Variants in AGBL4 observed in about 807,000 individuals in gnomAD.
AGBL4 encodes the protein cytosolic carboxypeptidase 6.
In AGBL4, 58 loss-of-function variants were observed where a neutral mutation model predicts 66.4. The observed-to-expected ratio is 0.87, with a 90% CI of 0.71 to 1.09. The LOEUF is 1.09. Among genes scored for constraint, AGBL4 ranks in the 50% least tolerant of loss-of-function variants. AGBL4 has a pLI of 0.00. For missense variants in AGBL4, 579 were observed against 631.0 expected (o/e 0.92, Z 0.88); for synonymous variants, 234 against 222.9 (o/e 1.05, Z -0.44).
At chr1:48,939,970 C>T (rs1314266240) in intron 5 of AGBL4, among the ~76,000 whole-genome samples, 4 of 152,190 alleles carry the variant, frequency 2.6e-5, no homozygotes, top group Non-Finnish European at 4.4e-5. Context: ...TCCTACAATG[C>T]ACAGGACAGA....
At chr1:49,427,570 CTTCAGATG>C (rs1645691105) in intron 3 of AGBL4, among the ~76,000 whole-genome samples, 1 of 151,984 alleles carries the variant, frequency 6.6e-6, no homozygotes, top group African/African-American at 2.4e-5. Flanking sequence ...GAGTTTGTTC[CTTCAGATG>C]TTCAGATGTG....
At chr1:49,129,396 C>A (rs1003861446) in intron 4 of AGBL4, among the ~76,000 whole-genome samples, 1 of 151,530 alleles carries the variant, frequency 6.6e-6, no homozygotes, top group Non-Finnish European at 1.5e-5. Context: ...ATGTGCCATG[C>A]TGGTGTGCTG....
intron 5 of AGBL4, among the ~76,000 whole-genome samples, chr1:48,962,911 G>A (rs547369563): frequency 1.3e-4 from 19 of 151,836 alleles, no homozygotes; most frequent in African/African-American, 4.4e-4. Flanking sequence ...ATAACAATAT[G>A]TACCTTATGA....
At chr1:49,289,278 G>C (rs1313296750) in intron 3 of AGBL4, among the ~76,000 whole-genome samples, 2 of 151,986 alleles carry the variant, frequency 1.3e-5, no homozygotes, top group African/African-American at 2.4e-5. Context: ...AAGAAGAAAG[G>C]AATAGTGAAA....
At chr1:49,203,716 A>G (rs907166236) in intron 4 of AGBL4, among the ~76,000 whole-genome samples, 1 of 152,186 alleles carries the variant, frequency 6.6e-6, no homozygotes, top group African/African-American at 2.4e-5. Flanking sequence ...AGTTAGGAGA[A>G]TCACTTGAAC....
chr1:48,880,958 A>G (rs1649725141), intron 5 of AGBL4, among the ~76,000 whole-genome samples: 1 of 152,158 alleles, frequency 6.6e-6, no homozygotes, highest in Non-Finnish European at 1.5e-5. Context: ...CCTTTTATGG[A>G]AAGAGCATAG....
At chr1:49,732,456 A>G (rs928355875) in intron 2 of AGBL4, among the ~76,000 whole-genome samples, 2 of 152,238 alleles carry the variant, frequency 1.3e-5, no homozygotes, top group South Asian at 2.1e-4. Context: ...AATAAAATCT[A>G]TGAGTGTCTC....
At position 49,351,874 on chromosome 1, in the gene AGBL4, T is replaced by C. The variant is rs535050041; in HGVS notation, c.283-106010A>G. ...AGATATTTATACCAGATGGCCACTA[T>C]GGTACATTTCATATCTGATATTCTA... On this transcript the variant is annotated intron_variant, in intron 3 of 13. Transcript: ENST00000371839. Among the ~76,000 whole-genome samples, 12 of 152,374 alleles carry C rather than the reference T, an allele frequency of 7.9e-5. No homozygotes were observed. In the South Asian group the frequency reaches 2.5e-3, roughly 32 times the overall value.
At chr1:48,942,318 G>T (rs1397755967) in intron 5 of AGBL4, among the ~76,000 whole-genome samples, 3 of 152,056 alleles carry the variant, frequency 2.0e-5, no homozygotes, top group African/African-American at 2.4e-5. Context: ...GGTGGGGGGG[G>T]GGGGTTGTGG....
At chr1:48,730,676 G>A (rs1647967899) in intron 6 of AGBL4, among the ~76,000 whole-genome samples, 1 of 152,110 alleles carries the variant, frequency 6.6e-6, no homozygotes, top group Non-Finnish European at 1.5e-5. Context: ...AAGCTTCTCA[G>A]GTTGATTAAA....
chr1:49,912,111 A>T lies in AGBL4; in HGVS notation c.35-60593T>A, dbSNP rs547439869. Among the ~76,000 whole-genome samples, 5 of 152,326 alleles carry T rather than the reference A, an allele frequency of 3.3e-5. 1 individual carries two copies. The East Asian group carries it at 9.7e-4, about 29-fold the overall frequency. Reference sequence around the variant, plus strand: ...ACACATGTATCTGTATGGACTAAAGAGATGGGCTCCCCAGCCTCTGTCCCA... The same window carrying T: ...ACACATGTATCTGTATGGACTAAAGTGATGGGCTCCCCAGCCTCTGTCCCA... On this transcript the variant is annotated intron_variant, in intron 1 of 13. Coordinates refer to ENST00000371839, the MANE Select transcript of AGBL4 (RefSeq NM_032785.4).
At chr1:49,284,444 C>G (rs1358110079) in intron 3 of AGBL4, among the ~76,000 whole-genome samples, 1 of 152,016 alleles carries the variant, frequency 6.6e-6, no homozygotes, top group Non-Finnish European at 1.5e-5. Context: ...ACCATCGAGA[C>G]TAGGAAGAAA....
rs1646551348 is a variant in AGBL4 at position 49,674,952 on chromosome 1, G to C, written c.282+22361C>G. ...ATGAGCTTTTGACATTTGAGTGATA[G>C]CTACACTGAGATAAGAAATTAGAAT... On this transcript the variant is annotated intron_variant, in intron 3 of 13. Transcript: ENST00000371839. Among the ~76,000 whole-genome samples, 3 of 152,152 alleles carry C rather than the reference G, an allele frequency of 2.0e-5. No homozygotes were observed. In the South Asian group the frequency reaches 6.2e-4, roughly 31 times the overall value.
Position 49,678,020 on chromosome 1 carries a change from A to C in AGBL4, c.282+19293T>G, listed in dbSNP as rs1443354298. Among the ~76,000 whole-genome samples, 4 of 152,198 alleles carry C rather than the reference A, an allele frequency of 2.6e-5. No homozygotes were observed. In the South Asian group the frequency reaches 6.2e-4, roughly 24 times the overall value. On this transcript the variant is annotated intron_variant, in intron 3 of 13. Coordinates refer to ENST00000371839, the MANE Select transcript of AGBL4 (RefSeq NM_032785.4). ...AAGCTGACTTGGATAAACAGTGCAG[A>C]GCTGGTGCTAATTCTTCTTTATATA...
intron 2 of AGBL4, among the ~76,000 whole-genome samples, chr1:49,848,485 A>G (rs1399561624): frequency 7.9e-5 from 12 of 152,240 alleles, no homozygotes; most frequent in Non-Finnish European, 1.5e-4. Flanking sequence ...ATTCATCCAT[A>G]AAAAGAATTA....
intron 1 of AGBL4, among the ~76,000 whole-genome samples, chr1:49,863,985 G>A (rs959112171): frequency 1.3e-5 from 2 of 152,120 alleles, no homozygotes; most frequent in Non-Finnish European, 2.9e-5. Context: ...ACTCCTGTTT[G>A]ATGCAGCACT....
In AGBL4 at chr1:48,942,321, G is replaced by T. The variant is rs1030348355; in HGVS notation, c.595-75091C>A. The stretch of plus-strand genomic sequence containing the variant: ...TTGAATTATTGTGGTGGGGGGGGGG[G>T]GTTGTGGTAAAAGAATATGGCTTTA... On this transcript the variant is annotated intron_variant, in intron 5 of 13. Coordinates refer to ENST00000371839, the MANE Select transcript of AGBL4 (RefSeq NM_032785.4). 5.0e-4 allele frequency among the ~76,000 whole-genome samples: 72 copies of T among 145,292 alleles called. No individual in the cohort carries two copies. The East Asian group carries it at 0.01, about 21-fold the overall frequency.
chr1:49,209,624 A>C (rs1648510401), intron 4 of AGBL4, among the ~76,000 whole-genome samples: 1 of 152,124 alleles, frequency 6.6e-6, no homozygotes, highest in Non-Finnish European at 1.5e-5. Flanking sequence ...AGAAGGGCAG[A>C]TTGGCCAGTG....
intron 6 of AGBL4, chr1:48,776,562 GC>G: frequency 3.0e-6 from 3 of 1,016,242 alleles, no homozygotes; most frequent in East Asian, 4.7e-5. Flanking sequence ...CGGGGTCCCA[GC>G]CCCCGCCCGG....
Sources: allele counts gnomAD v4.1 joint callset (sites outside exome capture counted in the v4.1 genomes callset), GRCh38; gene constraint gnomAD v4.1.1; transcripts MANE v1.5; gene names NCBI Gene and HGNC (gene_info 2026-07-23, HGNC 2026-07-21).